Variants in CDCP2 observed in about 807,000 individuals in gnomAD.
CDCP2 encodes CUB domain-containing protein 2.
CDCP2 carries 31 observed loss-of-function variants against 31.0 expected under a neutral mutation model. The ratio of observed to expected loss-of-function variants is 1.00; its 90% CI spans 0.75 to 1.35. The LOEUF (loss-of-function observed/expected upper bound fraction) is 1.35, where lower values mean the gene tolerates loss of function less well. Among genes scored for constraint, CDCP2 ranks in the 40% most tolerant of loss-of-function variants. The pLI, the probability that CDCP2 is intolerant of heterozygous loss-of-function variation, is 0.00. For synonymous variants in CDCP2, 206 were observed against 207.9 expected (o/e 0.99, Z 0.08); for missense variants, 443 against 482.6 (o/e 0.92, Z 0.77).
At chr1:54,147,463 G>A (rs1296317913) in intron 1 of CDCP2, among the ~76,000 whole-genome samples, 1 of 151,812 alleles carries the variant, frequency 6.6e-6, no homozygotes, top group Non-Finnish European at 1.5e-5. Context: ...CATCTCCTGG[G>A]TTCCAGCAAT....
At chr1:54,138,833 C>G (rs1659304339) in intron 4 of CDCP2, 1 of 152,366 alleles carries the variant, frequency 6.6e-6, no homozygotes, top group Non-Finnish European at 1.5e-5. Flanking sequence ...CTCAGCACCT[C>G]TGTTGCTATA....
At chr1:54,152,442 C>T (rs147901406) in intron 1 of CDCP2, among the ~76,000 whole-genome samples, 22 of 146,496 alleles carry the variant, frequency 1.5e-4, no homozygotes, top group South Asian at 6.7e-4. Context: ...CCAGCCTGGG[C>T]GACAGGGCAA....
At chr1:54,133,913 C>CAAACAAAA (rs748829165) in intron 5 of CDCP2, among the ~76,000 whole-genome samples, 2 of 144,882 alleles carry the variant, frequency 1.4e-5, no homozygotes, top group East Asian at 2.2e-4. Context: ...AACAAACAAA[C>CAAACAAAA]AAAAAAAACC....
At chr1:54,146,450 G>A (rs558220728) in intron 1 of CDCP2, among the ~76,000 whole-genome samples, 2 of 151,958 alleles carry the variant, frequency 1.3e-5, no homozygotes, top group South Asian at 4.1e-4. Context: ...GAAGTGCTGG[G>A]ATTATAGGCA....
downstream of CDCP2, chr1:54,132,730 A>G (rs532245436): frequency 6.8e-5 from 26 of 382,830 alleles, no homozygotes; most frequent in Non-Finnish European, 1.2e-4. Context: ...CAGCAATTGC[A>G]TATACATACA....
In CDCP2 at chr1:54,141,065, G is replaced by C. The variant is rs911251905; in HGVS notation, c.763+33C>G. The C allele has an allele frequency of 2.0e-6, 3 of 1,499,922 alleles. No individual in the cohort carries two copies. The African/African-American group carries it at 4.2e-5, about 21-fold the overall frequency. The allele number at this position is 1,499,922 out of a possible 1,614,324, so 92.9% of individuals were successfully genotyped here. A position where few individuals can be genotyped will look rare whatever the true frequency, so the allele number is the denominator to read the frequency against. On this transcript the variant is annotated intron_variant, in intron 3 of 5. Coordinates refer to ENST00000530059, the Ensembl canonical transcript of CDCP2. ...GGAGACAGGAGCCCAGTAGGCACAG[G>C]AGGATTCAGGGTGGAGCGCCAGCCC...
chr1:54,147,419 G>A (rs1225475970), intron 1 of CDCP2, among the ~76,000 whole-genome samples: 1 of 151,810 alleles, frequency 6.6e-6, no homozygotes, highest in Non-Finnish European at 1.5e-5. Flanking sequence ...CCAGGCTGGA[G>A]TGCAATGGTG....
chr1:54,150,806 C>T (rs1179408956), intron 1 of CDCP2, among the ~76,000 whole-genome samples: 2 of 152,142 alleles, frequency 1.3e-5, no homozygotes, highest in Non-Finnish European at 2.9e-5. Context: ...GGTTGAGTTT[C>T]TGTCACTTGC....
chr1:54,147,075 CAAAAAAAAAAAAAA>C lies in CDCP2; in HGVS notation c.80-2276_80-2263del, dbSNP rs71066904. ...TGGGTGACAGAGCAAGACTCCATCT[CAAAAAAAAAAAAAA>C]AAAAAAAAAAAAAAAGACACAGAAA... On this transcript the variant is annotated intron_variant, in intron 1 of 5. Transcript: ENST00000530059. 4.8e-3 allele frequency among the ~76,000 whole-genome samples: 276 copies of C among 56,912 alleles called. 7 individuals carry two copies. Among genetic ancestry groups the C allele is most frequent in the African/African-American group, 0.018 (247 of 14,008 alleles). 37.3% of individuals were successfully genotyped at this position (56,912 alleles called of 152,430 possible).
At chr1:54,148,975 A>ATATATTTATTT (rs1659527056) in intron 1 of CDCP2, among the ~76,000 whole-genome samples, 6 of 132,374 alleles carry the variant, frequency 4.5e-5, no homozygotes, top group Non-Finnish European at 9.9e-5. Flanking sequence ...TAAAAAAAAA[A>ATATATTTATTT]TATATATATA....
intron 1 of CDCP2, among the ~76,000 whole-genome samples, chr1:54,151,254 T>C (rs1659579296): frequency 6.6e-6 from 1 of 152,158 alleles, no homozygotes; most frequent in African/African-American, 2.4e-5. Context: ...CTGTGAGCAC[T>C]GATGAGCTAA....
At chr1:54,152,588 G>A (rs1339388690) in intron 1 of CDCP2, among the ~76,000 whole-genome samples, 1 of 152,164 alleles carries the variant, frequency 6.6e-6, no homozygotes, top group Non-Finnish European at 1.5e-5. Flanking sequence ...TCTTCATCTG[G>A]AAAATGGGGG....
At chr1:54,140,060 G>T in exon 4 of CDCP2, 1 of 1,613,686 alleles carries the variant, frequency 6.2e-7, no homozygotes, top group Non-Finnish European at 8.5e-7. Context: ...GGTACTGTGG[G>T]CTGGAGAAGT....
exon 5 of CDCP2, chr1:54,136,648 G>A (rs995363190): frequency 2.5e-6 from 1 of 399,200 alleles, no homozygotes. Context: ...CAGTGCCGCA[G>A]GTATCAAAGC....
chr1:54,141,539 T>A, intron 2 of CDCP2, 106 bp from the exon 3 acceptor site: 1 of 950,502 alleles, frequency 1.1e-6, no homozygotes, highest in Non-Finnish European at 1.6e-6. Flanking sequence ...GGTATCTCAT[T>A]AGGGCCTCAT....
intron 2 of CDCP2, 139 bp downstream of exon 2, chr1:54,144,327 C>T (rs1294841756): frequency 1.4e-6 from 1 of 738,604 alleles, no homozygotes; most frequent in Non-Finnish European, 2.2e-6. Context: ...CTTCCCATCT[C>T]CACCCCAGGG....
chr1:54,141,132 G>C, exon 3 of CDCP2: 1 of 1,542,102 alleles, frequency 6.5e-7, no homozygotes. Context: ...CACGGCCTCC[G>C]ATGTTGAAGT....
In CDCP2 at chr1:54,137,086, G is replaced by C. The variant is rs572946097; in HGVS notation, c.1118-278C>G. Among the ~76,000 whole-genome samples, 3 of 152,366 alleles carry C rather than the reference G, an allele frequency of 2.0e-5. No homozygotes were observed. In the East Asian group the frequency reaches 5.8e-4, roughly 29 times the overall value. ...ACAGAGCTTGGCAGGCCCAGTGAAT[G>C]CTGAGTGAATGAATGAATGTTCTTA... On this transcript the variant is annotated intron_variant, in intron 4 of 5. Coordinates refer to ENST00000530059, the Ensembl canonical transcript of CDCP2.
intron 1 of CDCP2, among the ~76,000 whole-genome samples, chr1:54,150,388 A>T (rs1659560402): frequency 6.6e-6 from 1 of 152,170 alleles, no homozygotes; most frequent in Non-Finnish European, 1.5e-5. Flanking sequence ...TGAGGTCAGG[A>T]GTTCGAGACC....
Sources: gnomAD v4.1 joint callset for allele counts (sites outside exome capture counted in the v4.1 genomes callset) on GRCh38, gnomAD v4.1.1 for gene constraint, MANE v1.5 for transcripts, NCBI Gene and HGNC (gene_info 2026-07-23, HGNC 2026-07-21) for gene names.